SCARB1: variants seen among roughly 807,000 people sequenced by gnomAD.
The protein encoded by SCARB1 is scavenger receptor class B member 1.
Under a neutral mutation model 57.2 loss-of-function variants are expected in SCARB1, and 30 were observed. The ratio of observed to expected loss-of-function variants is 0.52; its 90% CI spans 0.39 to 0.71. The LOEUF (loss-of-function observed/expected upper bound fraction) is 0.71. Ranked by LOEUF, SCARB1 falls within the 30% of genes least tolerant of loss-of-function variation. The pLI, the probability that SCARB1 is intolerant of heterozygous loss-of-function variation, is 0.00. For missense variants in SCARB1, 543 were observed against 671.2 expected (o/e 0.81, Z 2.11); for synonymous variants, 249 against 268.3 (o/e 0.93, Z 0.70).
At chr12:124,794,547 G>T (rs1482786299) in intron 9 of SCARB1, among the ~76,000 whole-genome samples, 1 of 151,814 alleles carries the variant, frequency 6.6e-6, no homozygotes, top group African/African-American at 2.4e-5. Flanking sequence ...ATTTGGTTTT[G>T]CCAGGCTTTC....
rs115129160 is a variant in SCARB1, at chr12:124,820,457, C to T, written c.127-2750G>A. Among the ~76,000 whole-genome samples, 733 of 152,086 alleles carry T rather than the reference C, an allele frequency of 4.8e-3. 6 individuals carry two copies. Among genetic ancestry groups the T allele is most frequent in the African/African-American group, 0.017 (702 of 41,464 alleles). ...TGCCCCCTCGGTAACGCCCTCCCCA[C>T]CCCATGGCGGCTCCCACCACCCCAT... On this transcript the variant is annotated intron_variant, in intron 1 of 12. Transcript: ENST00000261693.
chr12:124,837,106 C>T (rs1043259311), intron 1 of SCARB1, among the ~76,000 whole-genome samples: 2 of 152,194 alleles, frequency 1.3e-5, no homozygotes, highest in African/African-American at 4.8e-5. Context: ...GGGCCTCATC[C>T]TGCTCCCCAG....
chr12:124,786,112 C>T, intron 11 of SCARB1: 1 of 1,536,306 alleles, frequency 6.5e-7, no homozygotes, highest in Non-Finnish European at 8.7e-7. Flanking sequence ...CCCACCTGTG[C>T]CCCCTCCAAG....
At chr12:124,825,224 C>CAAA (rs60776063) in intron 1 of SCARB1, among the ~76,000 whole-genome samples, 3 of 43,680 alleles carry the variant, frequency 6.9e-5, no homozygotes, top group Admixed American at 3.1e-4. Flanking sequence ...GACTCCATCT[C>CAAA]AAAAAAAAAA....
chr12:124,812,081 G>C lies in SCARB1; in HGVS notation c.631-116C>G. 1.3e-6 allele frequency: 1 copy of C among 796,034 alleles called. No homozygotes were observed. Among genetic ancestry groups the C allele is most frequent in the South Asian group, 1.5e-5 (1 of 68,560 alleles). The allele number at this position is 796,034 out of a possible 1,614,324, so 49.3% of individuals were successfully genotyped here. ...CTCCACCAGAAGGACAGGGCCCCCA[G>C]CATCTGGTTCACTGCCAAATGCCCA... On this transcript the variant is annotated intron_variant, in intron 4 of 12. Transcript: ENST00000261693. This position sits in a 1 kb window ranked among gnomAD's most constrained non-coding sequence, Gnocchi z 4.3.
intron 12 of SCARB1, among the ~76,000 whole-genome samples, chr12:124,779,067 C>A (rs553928726): frequency 6.6e-6 from 1 of 152,178 alleles, no homozygotes; most frequent in African/African-American, 2.4e-5. Flanking sequence ...CCTCCCACCT[C>A]GGCCTCCCAA....
Position 124,810,206 on chromosome 12 carries a change from G to A in SCARB1, c.810C>T (p.Ser270=). The A allele has an allele frequency of 6.2e-7, 1 of 1,613,668 alleles. No homozygotes were observed. The highest frequency in any genetic ancestry group is 1.7e-4 in the Middle Eastern group (1 of 6,058). Residue 270 remains serine (S), a synonymous_variant, in exon 6 of 13, where the codon TCC becomes TCT. Transcript: ENST00000261693. The surrounding 1 kb of genome is among the most constrained non-coding windows in gnomAD (Gnocchi z 4.0). ...CCTCCGGGCTGTAGAACTCCAGCGA[G>A]GACTCAGGAGTCATGAAGGGCGGCC... ...QMWPPFMTPE[S]SLEFYSPEAC... is the part of the protein sequence containing the mutation.
At chr12:124,824,106 G>A (rs756897453) in intron 1 of SCARB1, among the ~76,000 whole-genome samples, 37 of 151,518 alleles carry the variant, frequency 2.4e-4, no homozygotes, top group Admixed American at 9.9e-4. Flanking sequence ...CCCGGGAGGC[G>A]GAGGTTGCAG....
intron 1 of SCARB1, among the ~76,000 whole-genome samples, chr12:124,858,623 T>A (rs182748002): frequency 6.6e-6 from 1 of 152,180 alleles, no homozygotes; most frequent in Non-Finnish European, 1.5e-5. Context: ...CTCACACCTG[T>A]AATCCCAGCA....
rs1191964196 is a variant in SCARB1 at position 124,812,799 on chromosome 12, C to A, written c.631-834G>T. ...TCCAGAGCAGGACCCAGCACAAGGC[C>A]CCAGCCCAGCATCCCGGGTGTGTCT... is the stretch of plus-strand genomic sequence containing the variant. On this transcript the variant is annotated intron_variant, in intron 4 of 12. Transcript: ENST00000261693. This position sits in a 1 kb window ranked among gnomAD's most constrained non-coding sequence, Gnocchi z 4.3. Among the ~76,000 whole-genome samples, 1 of 152,090 alleles carries A rather than the reference C, an allele frequency of 6.6e-6. No homozygotes were observed. Among genetic ancestry groups the A allele is most frequent in the African/African-American group, 2.4e-5 (1 of 41,382 alleles).
At chr12:124,818,931 A>G (rs1950840128) in intron 1 of SCARB1, among the ~76,000 whole-genome samples, 1 of 152,188 alleles carries the variant, frequency 6.6e-6, no homozygotes, top group African/African-American at 2.4e-5. Context: ...CCAGGATTAC[A>G]GGCATGAGCC....
At chr12:124,801,134 G>A (rs1248068668) in intron 7 of SCARB1, among the ~76,000 whole-genome samples, 1 of 152,222 alleles carries the variant, frequency 6.6e-6, no homozygotes, top group African/African-American at 2.4e-5. Context: ...CAGAGGTTGA[G>A]GCTACAGTGA....
intron 8 of SCARB1, among the ~76,000 whole-genome samples, chr12:124,797,571 T>G (rs563826686): frequency 4.1e-4 from 62 of 152,314 alleles, no homozygotes; most frequent in African/African-American, 1.5e-3. Context: ...AACAGCTGTT[T>G]GCCTCTCTCT....
intron 1 of SCARB1, among the ~76,000 whole-genome samples, chr12:124,841,851 C>T (rs1299943154): frequency 6.6e-6 from 1 of 152,222 alleles, no homozygotes; most frequent in African/African-American, 2.4e-5. Context: ...CGCCACCCCA[C>T]CTCTTCCATG....
At chr12:124,859,221 T>C (rs1952779253) in intron 1 of SCARB1, among the ~76,000 whole-genome samples, 1 of 152,140 alleles carries the variant, frequency 6.6e-6, no homozygotes, top group Admixed American at 6.5e-5. Context: ...TGTGGATACA[T>C]TTTCTCTGTT....
chr12:124,813,706 C>T (rs1190518499), intron 4 of SCARB1, among the ~76,000 whole-genome samples: 1 of 152,118 alleles, frequency 6.6e-6, no homozygotes, highest in Non-Finnish European at 1.5e-5. Context: ...TCCCCCCCAG[C>T]ACTCTACCCT....
In SCARB1 at chr12:124,817,243, C is replaced by T. The variant is rs914004960; in HGVS notation, c.284+307G>A. Reference sequence around the variant, plus strand: ...CTCCATAAAGAACCTCTCTAGGCAACGTCTGGTGATTCGCACCTGTAATCC... The same window carrying T: ...CTCCATAAAGAACCTCTCTAGGCAATGTCTGGTGATTCGCACCTGTAATCC... On this transcript the variant is annotated intron_variant, in intron 2 of 12. Coordinates refer to ENST00000261693, the MANE Select transcript of SCARB1 (RefSeq NM_005505.5). The surrounding 1 kb of genome is among the most constrained non-coding windows in gnomAD (Gnocchi z 4.8). Among the ~76,000 whole-genome samples the T allele has an allele frequency of 5.3e-5, 8 of 149,890 alleles. No individual in the cohort carries two copies. Among genetic ancestry groups the T allele is most frequent in the South Asian group, 2.1e-4 (1 of 4,712 alleles).
intron 11 of SCARB1, chr12:124,783,809 AAAAAC>A (rs1949408856): frequency 6.6e-6 from 1 of 152,198 alleles, no homozygotes; most frequent in Non-Finnish European, 1.5e-5. Flanking sequence ...ATAAAAATAA[AAAAAC>A]AAAAAAAACT....
chr12:124,794,400 C>CT (rs3043265), intron 9 of SCARB1, among the ~76,000 whole-genome samples: 45,405 of 119,684 alleles, frequency 0.38, 9,705 homozygotes, highest in Non-Finnish European at 0.47. Flanking sequence ...TTGAAAAATT[C>CT]TTTTTTTTTT....
Sources: gnomAD v4.1 joint callset for allele counts (sites outside exome capture counted in the v4.1 genomes callset) on GRCh38, gnomAD v4.1.1 for gene constraint, Gnocchi (gnomAD v3.1) non-coding constraint, MANE v1.5 for transcripts, NCBI Gene and HGNC (gene_info 2026-07-23, HGNC 2026-07-21) for gene names.